The following EBF1 variants were observed in gnomAD, a reference collection of about 807,000 sequenced individuals.
The protein encoded by EBF1 is EBF transcription factor 1.
In EBF1, 10 loss-of-function variants were observed where a neutral mutation model predicts 68.4. The ratio of observed to expected loss-of-function variants is 0.15; its 90% CI spans 0.09 to 0.25. The LOEUF (loss-of-function observed/expected upper bound fraction) is 0.25. Among genes scored for constraint, EBF1 ranks in the 10% least tolerant of loss-of-function variants. The pLI is 1.00. For missense variants in EBF1, 509 were observed against 794.4 expected, an observed-to-expected ratio of 0.64 and a Z score of 4.32; for synonymous variants, 298 against 299.8, an observed-to-expected ratio of 0.99 and a Z score of 0.06.
chr5:158,997,264 T>C (rs1318589385), intron 6 of EBF1, among the ~76,000 whole-genome samples: 2 of 152,122 alleles, frequency 1.3e-5, no homozygotes, highest in East Asian at 3.9e-4. Flanking sequence ...TCTCACTCCC[T>C]GAGGAGAGCC....
chr5:158,739,139 A>C (rs1435965388), intron 10 of EBF1, among the ~76,000 whole-genome samples: 1 of 152,196 alleles, frequency 6.6e-6, no homozygotes, highest in East Asian at 1.9e-4. Flanking sequence ...AAGAGACACA[A>C]ATGCTGTCTC....
At chr5:158,782,915 C>T (rs187825438) in intron 9 of EBF1, among the ~76,000 whole-genome samples, 16 of 151,972 alleles carry the variant, frequency 1.1e-4, no homozygotes, top group Admixed American at 9.2e-4. Context: ...TAGCTCGACA[C>T]TCAGATCTCA....
chr5:158,867,524 C>T (rs1214662521), intron 6 of EBF1, among the ~76,000 whole-genome samples: 2 of 152,102 alleles, frequency 1.3e-5, no homozygotes, highest in African/African-American at 4.8e-5. Flanking sequence ...TGGGTCTTTG[C>T]ACACCTGGAT....
intron 5 of EBF1, among the ~76,000 whole-genome samples, chr5:159,079,603 T>G (rs911924758): frequency 1.1e-4 from 5 of 47,146 alleles, no homozygotes; most frequent in African/African-American, 7.9e-4. Context: ...TCCTTTTATC[T>G]TTTTTTTTTT....
intron 11 of EBF1, among the ~76,000 whole-genome samples, chr5:158,716,417 A>C (rs759809556): frequency 6.6e-6 from 1 of 152,166 alleles, no homozygotes; most frequent in Non-Finnish European, 1.5e-5. Context: ...CATTGAGTAC[A>C]TTGCCATAGG....
chr5:159,051,041 A>T (rs536472485), intron 6 of EBF1, among the ~76,000 whole-genome samples: 1 of 151,896 alleles, frequency 6.6e-6, no homozygotes, highest in East Asian at 1.9e-4. Context: ...GGAAGGGGGG[A>T]AGTGTTAAAG....
chr5:158,899,728 C>T (rs1442168169), intron 6 of EBF1, among the ~76,000 whole-genome samples: 2 of 152,254 alleles, frequency 1.3e-5, no homozygotes, highest in East Asian at 3.9e-4. Flanking sequence ...CCTCTTCATC[C>T]ATTCTATTTA....
intron 6 of EBF1, among the ~76,000 whole-genome samples, chr5:158,928,106 A>T (rs1810063196): frequency 6.6e-6 from 1 of 152,210 alleles, no homozygotes; most frequent in Non-Finnish European, 1.5e-5. Context: ...ATGATGGTTA[A>T]TTATGATCTC....
intron 6 of EBF1, among the ~76,000 whole-genome samples, chr5:159,015,887 T>C (rs1765531719): frequency 6.6e-6 from 1 of 152,162 alleles, no homozygotes; most frequent in African/African-American, 2.4e-5. Flanking sequence ...GAAAATCACT[T>C]AGATTACCCA....
chr5:158,714,923 C>T (rs1333383260), intron 11 of EBF1, among the ~76,000 whole-genome samples: 1 of 152,058 alleles, frequency 6.6e-6, no homozygotes, highest in East Asian at 1.9e-4. Flanking sequence ...GGAAAAATAT[C>T]TCCCTCTTTT....
intron 6 of EBF1, among the ~76,000 whole-genome samples, chr5:158,866,517 G>A (rs1488106226): frequency 6.6e-6 from 1 of 151,830 alleles, no homozygotes; most frequent in Non-Finnish European, 1.5e-5. Context: ...AGCTAATACT[G>A]ACTAATGAGG....
intron 6 of EBF1, among the ~76,000 whole-genome samples, chr5:158,946,885 C>T (rs1005771094): frequency 3.3e-5 from 5 of 152,204 alleles, no homozygotes; most frequent in Non-Finnish European, 7.3e-5. Flanking sequence ...GTGCCCTGCC[C>T]AGAGAGGAGG....
chr5:158,939,619 T>C (rs1161683894), intron 6 of EBF1, among the ~76,000 whole-genome samples: 1 of 152,210 alleles, frequency 6.6e-6, no homozygotes, highest in Non-Finnish European at 1.5e-5. Flanking sequence ...AATCAGACTT[T>C]GCTCTGTGGT....
At chr5:158,737,757 A>C (rs1394756224) in intron 10 of EBF1, among the ~76,000 whole-genome samples, 4 of 152,178 alleles carry the variant, frequency 2.6e-5, no homozygotes, top group African/African-American at 7.2e-5. Flanking sequence ...TAACATGCAA[A>C]GAAAAGGCTG....
At chr5:158,731,697 G>C (rs1764127570) in intron 10 of EBF1, among the ~76,000 whole-genome samples, 1 of 152,154 alleles carries the variant, frequency 6.6e-6, no homozygotes, top group Non-Finnish European at 1.5e-5. Context: ...TGCCACCCTT[G>C]AGAGAGTCTG....
At chr5:158,982,234 G>T (rs1164412748) in intron 6 of EBF1, among the ~76,000 whole-genome samples, 1 of 152,182 alleles carries the variant, frequency 6.6e-6, no homozygotes, top group Non-Finnish European at 1.5e-5. Flanking sequence ...ATGAGCTAAT[G>T]AATGTAAATC....
chr5:158,808,648 G>T (rs1433738334), intron 8 of EBF1, among the ~76,000 whole-genome samples: 1 of 152,140 alleles, frequency 6.6e-6, no homozygotes, highest in African/African-American at 2.4e-5. Context: ...TAGGATTGTT[G>T]TAAGGTTTGA....
At chr5:158,912,411 T>G (rs1382562462) in intron 6 of EBF1, among the ~76,000 whole-genome samples, 2 of 152,208 alleles carry the variant, frequency 1.3e-5, no homozygotes, top group Non-Finnish European at 2.9e-5. Flanking sequence ...TGCAAGCCTC[T>G]TAATTCCTAA....
intron 10 of EBF1, among the ~76,000 whole-genome samples, chr5:158,737,266 A>ATTTTTTTTTTTTTTTTTTTTT (rs61380054): frequency 1.8e-5 from 1 of 55,600 alleles, no homozygotes; most frequent in African/African-American, 8.0e-5. Context: ...ACATGCCCTG[A>ATTTTTTTTTTTTTTTTTTTTT]TTTTTTTTTT....
Sources: allele counts gnomAD v4.1 joint callset (sites outside exome capture counted in the v4.1 genomes callset), GRCh38; gene constraint gnomAD v4.1.1; transcripts MANE v1.5; gene names NCBI Gene and HGNC (gene_info 2026-07-23, HGNC 2026-07-21).